The following AGT variants were observed in gnomAD, a reference collection of about 807,000 sequenced individuals.
AGT encodes the protein alpha-1 antiproteinase, antitrypsin.
AGT carries 26 observed loss-of-function variants against 28.1 expected under a neutral mutation model. That is an observed-to-expected ratio of 0.92 (90% CI 0.68 to 1.28). The LOEUF (loss-of-function observed/expected upper bound fraction) is 1.28, where lower values mean the gene tolerates loss of function less well. AGT is among the 50% of genes most tolerant of loss of function. AGT has a pLI of 0.00. For missense variants in AGT, 596 were observed against 592.3 expected (o/e 1.01, Z -0.06); for synonymous variants, 259 against 259.6 (o/e 1.00, Z 0.02).
At chr1:230,744,763 G>A (rs185730265) in intron 1 of AGT, among the ~76,000 whole-genome samples, 1 of 152,228 alleles carries the variant, frequency 6.6e-6, no homozygotes, top group Non-Finnish European at 1.5e-5. Flanking sequence ...TGTATCGGGA[G>A]GAGAATGAGA....
In AGT at chr1:230,706,202, T is replaced by C; in HGVS notation, c.830-2A>G. ...GCAGGGAGAAGCCCTTCATCTTCCC[T>C]GAAATCCAGACAGGAGACAGGGAGG... On this transcript the variant is annotated splice_acceptor_variant, in intron 2 of 4. Transcript: ENST00000366667. LOFTEE classifies it high-confidence loss of function. 2 of 1,612,908 alleles carry C rather than the reference T, an allele frequency of 1.2e-6. No individual in the cohort carries two copies. The highest frequency in any genetic ancestry group is 1.7e-6 in the Non-Finnish European group (2 of 1,179,308).
intron 1 of AGT, among the ~76,000 whole-genome samples, chr1:230,720,363 T>A (rs1663818777): frequency 1.3e-5 from 2 of 152,182 alleles, no homozygotes; most frequent in Admixed American, 1.3e-4. Flanking sequence ...ACAATTTCAG[T>A]GGTAATAATC....
At position 230,704,239 on chromosome 1, in the gene AGT, T is replaced by C; in HGVS notation, c.1196A>G (p.Glu399Gly). Residue 399 changes from glutamate to glycine, a missense_variant, in exon 4 of 5, where the codon GAG (glutamate) becomes GGG (glycine). By Grantham distance (98) the Glu-to-Gly change is moderately conservative. Coordinates refer to ENST00000366667, the MANE Select transcript of AGT (RefSeq NM_001384479.1). ...QAELPAILHT[E>G]LNLQKLSNDR... ...ATTGCTCAATTTTTGCAGGTTCAGC[T>C]CGGTGTGCAGAATGGCGGGCAGCTC... The C allele has an allele frequency of 6.2e-7, 1 of 1,614,182 alleles. No homozygotes were observed. The highest frequency in any genetic ancestry group is 8.5e-7 in the Non-Finnish European group (1 of 1,180,038).
upstream of AGT, among the ~76,000 whole-genome samples, chr1:230,714,597 C>T (rs1663688769): frequency 6.6e-6 from 1 of 152,290 alleles, no homozygotes; most frequent in East Asian, 1.9e-4. Flanking sequence ...GGATGTGTGA[C>T]CTTCAGCTGC....
intron 1 of AGT, among the ~76,000 whole-genome samples, chr1:230,742,962 A>G (rs557615170): frequency 2.0e-5 from 3 of 152,106 alleles, no homozygotes; most frequent in Non-Finnish European, 4.4e-5. Context: ...GGAGACACCA[A>G]TTTACACTCC....
chr1:230,712,885 C>A lies in AGT; in HGVS notation c.-31+1201G>T, dbSNP rs547876227. Among the ~76,000 whole-genome samples the A allele has an allele frequency of 4.6e-5, 7 of 152,214 alleles. No individual in the cohort carries two copies. The South Asian group carries it at 1.2e-3, about 27-fold the overall frequency. ...TCCGCCTTCTCCTCTCCTGCCCCTGCCTCTTGGCCAGCACCTGCCCCTTCT... is the reference window on the plus strand; with the variant it reads ...TCCGCCTTCTCCTCTCCTGCCCCTGACTCTTGGCCAGCACCTGCCCCTTCT... On this transcript the variant is annotated intron_variant, in intron 1 of 4. Coordinates refer to ENST00000366667, the MANE Select transcript of AGT (RefSeq NM_001384479.1).
At chr1:230,718,522 A>G (rs1372692636), upstream of AGT, among the ~76,000 whole-genome samples, 2 of 151,642 alleles carry the variant, frequency 1.3e-5, no homozygotes, top group South Asian at 4.2e-4. Context: ...CATTTGACCT[A>G]CATCTCCTCC....
At chr1:230,733,320 A>G (rs1341000250) in intron 1 of AGT, among the ~76,000 whole-genome samples, 1 of 152,068 alleles carries the variant, frequency 6.6e-6, no homozygotes, top group Non-Finnish European at 1.5e-5. Flanking sequence ...TCCTTTTTGC[A>G]AAATTCCTTT....
chr1:230,733,640 C>G (rs1271451741), intron 1 of AGT, among the ~76,000 whole-genome samples: 1 of 152,206 alleles, frequency 6.6e-6, no homozygotes, highest in Non-Finnish European at 1.5e-5. Flanking sequence ...GAAGGACAGA[C>G]TTTTCCTCTG....
At chr1:230,741,425 G>A (rs919484747) in intron 1 of AGT, among the ~76,000 whole-genome samples, 1 of 152,380 alleles carries the variant, frequency 6.6e-6, no homozygotes, top group Non-Finnish European at 1.5e-5. Context: ...GAGTCAGACA[G>A]CTGAGGCCAA....
intron 1 of AGT, among the ~76,000 whole-genome samples, chr1:230,730,895 T>C (rs189515953): frequency 8.5e-5 from 13 of 152,350 alleles, no homozygotes; most frequent in Admixed American, 2.0e-4. Context: ...GCATCCTACA[T>C]GCCCCTTTTG....
chr1:230,727,345 G>T (rs1424688510), intron 1 of AGT, among the ~76,000 whole-genome samples: 3 of 152,210 alleles, frequency 2.0e-5, no homozygotes, highest in African/African-American at 7.2e-5. Flanking sequence ...CAAACATCCA[G>T]ATTGTGAATC....
chr1:230,739,971 T>C (rs998236093), intron 1 of AGT, among the ~76,000 whole-genome samples: 3 of 152,174 alleles, frequency 2.0e-5, no homozygotes, highest in African/African-American at 7.2e-5. Context: ...GGCCACTCCG[T>C]AGGTAGAGCA....
chr1:230,715,761 C>A (rs1171376911), upstream of AGT, among the ~76,000 whole-genome samples: 1 of 152,168 alleles, frequency 6.6e-6, no homozygotes, highest in East Asian at 1.9e-4. Flanking sequence ...TATTTCGGCT[C>A]TTTAAAGCCT....
At position 230,710,251 on chromosome 1, in the gene AGT, C is replaced by T. The variant is rs539621549; in HGVS notation, c.573G>A (p.Gln191=). 3 of 1,613,698 alleles carry T rather than the reference C, an allele frequency of 1.9e-6. No homozygotes were observed. The highest frequency in any genetic ancestry group is 2.2e-5 in the South Asian group (2 of 91,072). Residue 191 remains glutamine (Q), a synonymous_variant, in exon 2 of 5, where the codon CAG becomes CAA. Transcript: ENST00000366667. ...CCACCGTGGACAGCAGCAGCTGGGC[C>T]TGGCTATCAGCCCTGCCCTGGGCCA... ...LLVAQGRADS[Q]AQLLLSTVVG... is the part of the protein sequence containing the mutation.
chr1:230,712,189 C>T (rs1191436817), intron 1 of AGT, among the ~76,000 whole-genome samples: 2 of 152,170 alleles, frequency 1.3e-5, no homozygotes, highest in South Asian at 2.1e-4. Context: ...GGAGCTGTAG[C>T]GTGTCATCAC....
chr1:230,737,505 T>A (rs1024283635), intron 1 of AGT, among the ~76,000 whole-genome samples: 4 of 151,772 alleles, frequency 2.6e-5, no homozygotes, highest in African/African-American at 7.3e-5. Flanking sequence ...AGAGATGGGG[T>A]TTTACCATGT....
chr1:230,734,654 G>C (rs1281721060), intron 1 of AGT, among the ~76,000 whole-genome samples: 1 of 152,010 alleles, frequency 6.6e-6, no homozygotes, highest in Admixed American at 6.6e-5. Context: ...TACAAGGCAA[G>C]ACTGCTTCCA....
intron 1 of AGT, among the ~76,000 whole-genome samples, chr1:230,724,655 C>G (rs971213667): frequency 2.0e-5 from 3 of 152,044 alleles, no homozygotes; most frequent in Non-Finnish European, 2.9e-5. Context: ...AAAACCCCAT[C>G]TATACAAAAA....
Sources: allele counts gnomAD v4.1 joint callset (sites outside exome capture counted in the v4.1 genomes callset), GRCh38; gene constraint gnomAD v4.1.1; transcripts MANE v1.5; gene names NCBI Gene and HGNC (gene_info 2026-07-23, HGNC 2026-07-21).